Variants in COL18A1 observed in about 807,000 individuals in gnomAD.
The protein encoded by COL18A1 is collagen alpha-1(XVIII) chain.
A neutral mutation model predicts 168.0 loss-of-function variants in COL18A1; 133 were observed. That is an observed-to-expected ratio of 0.79 (90% CI 0.69 to 0.91). The LOEUF (loss-of-function observed/expected upper bound fraction) is 0.91, where lower values mean the gene tolerates loss of function less well. Among genes scored for constraint, COL18A1 ranks in the 40% least tolerant of loss-of-function variants. The pLI, the probability that COL18A1 is intolerant of heterozygous loss-of-function variation, is 0.00. For synonymous variants in COL18A1, 949 were observed against 809.0 expected (o/e 1.17, Z -2.94); for missense variants, 2,126 against 1,925.4 (o/e 1.10, Z -1.95).
Position 45,495,340 on chromosome 21 carries a change from C to T in COL18A1, c.2434-18C>T, listed in dbSNP as rs762688500. On this transcript the variant is annotated intron_variant, in intron 28 of 41. Coordinates refer to ENST00000651438, the MANE Select transcript of COL18A1 (RefSeq NM_001379500.1). ...TCATCAGTGCCCAGCAGTCCCCACC[C>T]CCTGTGCTCCGCCCCAGGGTCGCCC... is the stretch of plus-strand genomic sequence containing the variant. 58 of 1,597,484 alleles carry T rather than the reference C, an allele frequency of 3.6e-5. No homozygotes were observed. In the South Asian group the frequency reaches 6.2e-4, roughly 17 times the overall value.
chr21:45,439,907 A>T (rs1369655546), intron 2 of COL18A1, among the ~76,000 whole-genome samples: 1 of 152,204 alleles, frequency 6.6e-6, no homozygotes. Flanking sequence ...GGCCTGGGAG[A>T]TGGGAGTGTT....
At position 45,455,950 on chromosome 21, in the gene COL18A1, G is replaced by A. The variant is rs570643977; in HGVS notation, c.107-12292G>A. The A allele has an allele frequency of 1.9e-4, 314 of 1,612,952 alleles. No homozygotes were observed. Among genetic ancestry groups the A allele is most frequent in the Middle Eastern group, 3.3e-4 (2 of 6,084 alleles). On this transcript the variant is annotated intron_variant, in intron 2 of 41. Coordinates refer to ENST00000651438, the MANE Select transcript of COL18A1 (RefSeq NM_001379500.1). ...TCCCCACTGAGAGCTTGGCCAGGGC[G>A]GAAACCCTGGTCCTGGAGACTCCTG...
intron 2 of COL18A1, among the ~76,000 whole-genome samples, chr21:45,406,745 C>T (rs370650331): frequency 1.4e-4 from 22 of 152,340 alleles, no homozygotes; most frequent in African/African-American, 5.3e-4. Flanking sequence ...GACGCTGGGG[C>T]CCAAGCCCGA....
rs771218061 is a variant in COL18A1, at chr21:45,504,468, C to CT, written c.2780_2781insT (p.Gly928ArgfsTer159). The CT allele has an allele frequency of 9.3e-6, 15 of 1,609,458 alleles. No individual in the cohort carries two copies. The highest frequency in any genetic ancestry group is 1.3e-5 in the African/African-American group (1 of 74,662). ...GGACAGAAAGGCGAAAGGGGGGAGC[C>CT]CGGGGGCGGCGGTTTCTTCGGCTCC... On this transcript the variant is annotated frameshift_variant, in exon 34 of 42. Transcript: ENST00000651438. LOFTEE classifies it high-confidence loss of function.
In COL18A1 at chr21:45,496,581, G is replaced by A. The variant is rs767756708; in HGVS notation, c.2577+13G>A. ...TTACGACAGCAATGTAAGTCCCCAG[G>A]GCACCCACTGTCCTACAGCCACCCT... On this transcript the variant is annotated intron_variant, in intron 30 of 41. Transcript: ENST00000651438. 4 of 1,306,942 alleles carry A rather than the reference G, an allele frequency of 3.1e-6. No homozygotes were observed. Among genetic ancestry groups the A allele is most frequent in the Non-Finnish European group, 4.4e-6 (4 of 908,622 alleles). 81.0% of individuals were successfully genotyped at this position (1,306,942 alleles called of 1,614,324 possible).
chr21:45,471,096 G>T lies in COL18A1; in HGVS notation c.651+2310G>T, dbSNP rs71317794. Reference sequence around the variant, plus strand: ...GGGCCTGGGTGGCGCGCTACGGGCCGTGTGCTGCTGGGCCTGGGTGGCGCA... The same window carrying T: ...GGGCCTGGGTGGCGCGCTACGGGCCTTGTGCTGCTGGGCCTGGGTGGCGCA... On this transcript the variant is annotated intron_variant, in intron 3 of 41. Coordinates refer to ENST00000651438, the MANE Select transcript of COL18A1 (RefSeq NM_001379500.1). This position sits in a 1 kb window ranked among gnomAD's most constrained non-coding sequence, Gnocchi z 4.4. Among the ~76,000 whole-genome samples the T allele has an allele frequency of 8.9e-4, 115 of 129,928 alleles. No individual in the cohort carries two copies. Among genetic ancestry groups the T allele is most frequent in the Middle Eastern group, 8.5e-3 (2 of 236 alleles). 85.2% of individuals were successfully genotyped at this position (129,928 alleles called of 152,430 possible).
chr21:45,482,858 C>G, intron 15 of COL18A1, 37 bp downstream of exon 15: 3 of 1,614,090 alleles, frequency 1.9e-6, no homozygotes, highest in Non-Finnish European at 1.7e-6. Context: ...GTCCCCTGCC[C>G]CTGGTGCCCA....
chr21:45,512,558 C>CAAAG lies in COL18A1; in HGVS notation c.*162_*165dup. 1 of 693,190 alleles carries CAAAG rather than the reference C, an allele frequency of 1.4e-6. No individual in the cohort carries two copies. The highest frequency in any genetic ancestry group is 2.4e-6 in the Non-Finnish European group (1 of 412,834). The allele number at this position is 693,190 out of a possible 1,614,324, so 42.9% of individuals were successfully genotyped here. ...TAATCCTCAAGAAATAAAAGGAAGC[C>CAAAG]AAAGAGTGTATTTTTTTAAAAGTTT... is the stretch of plus-strand genomic sequence containing the variant. On this transcript the variant is annotated 3_prime_UTR_variant, in exon 42 of 42. Coordinates refer to ENST00000651438, the MANE Select transcript of COL18A1 (RefSeq NM_001379500.1).
At chr21:45,450,041 C>T (rs939137407) in intron 2 of COL18A1, among the ~76,000 whole-genome samples, 14 of 152,206 alleles carry the variant, frequency 9.2e-5, no homozygotes, top group Non-Finnish European at 1.9e-4. Flanking sequence ...GACGTGTCTG[C>T]GGCATCCAAA....
chr21:45,447,255 A>G (rs1029722305), intron 2 of COL18A1, among the ~76,000 whole-genome samples: 62 of 151,662 alleles, frequency 4.1e-4, no homozygotes, highest in South Asian at 8.3e-4. Context: ...TTAAAAGTAA[A>G]AGTTCTAACC....
At chr21:45,504,362 C>T (rs1333014064) in intron 33 of COL18A1, 54 bp from the exon 34 acceptor site, 2 of 1,577,986 alleles carry the variant, frequency 1.3e-6, no homozygotes, top group Admixed American at 3.5e-5. Context: ...TGGGAGGCCA[C>T]CTGTGGCTTG....
intron 2 of COL18A1, chr21:45,455,469 C>G: frequency 6.2e-7 from 1 of 1,601,668 alleles, no homozygotes; most frequent in Non-Finnish European, 8.5e-7. Flanking sequence ...GTGAGCCTGG[C>G]TAGCCCCACC....
In COL18A1 at chr21:45,493,071, T is replaced by G. The variant is rs923053012; in HGVS notation, c.2215-92T>G. The G allele has an allele frequency of 3.5e-5, 46 of 1,311,328 alleles. No homozygotes were observed. In the Middle Eastern group the frequency reaches 1.2e-3, roughly 35 times the overall value. 81.2% of individuals were successfully genotyped at this position (1,311,328 alleles called of 1,614,324 possible). A position where few individuals can be genotyped will look rare whatever the true frequency, so the allele number is the denominator to read the frequency against. ...GGTCGGGCTGTCGAGGCAGGCATAT[T>G]GCGGGGGGCAGCTGTCGGGGGAGAT... On this transcript the variant is annotated intron_variant, in intron 24 of 41. Coordinates refer to ENST00000651438, the MANE Select transcript of COL18A1 (RefSeq NM_001379500.1).
chr21:45,418,586 C>T (rs565760595), intron 2 of COL18A1, among the ~76,000 whole-genome samples: 55 of 152,260 alleles, frequency 3.6e-4, no homozygotes, highest in African/African-American at 1.3e-3. Context: ...CCGGCGGTTC[C>T]CACCTGCTCT....
At chr21:45,452,654 GTA>G (rs2034652358) in intron 2 of COL18A1, among the ~76,000 whole-genome samples, 1 of 151,980 alleles carries the variant, frequency 6.6e-6, no homozygotes, top group South Asian at 2.1e-4. Context: ...GTGAGCTTGT[GTA>G]TGCATGTATT....
intron 2 of COL18A1, among the ~76,000 whole-genome samples, chr21:45,433,569 C>T (rs1317878236): frequency 3.9e-5 from 6 of 152,190 alleles, no homozygotes; most frequent in African/African-American, 1.2e-4. Context: ...GCGTGGCTGT[C>T]GTGGCCCCTG....
chr21:45,457,923 G>C lies in COL18A1; in HGVS notation c.107-10319G>C, dbSNP rs1299833173. 1.3e-5 allele frequency among the ~76,000 whole-genome samples: 2 copies of C among 152,158 alleles called. No individual in the cohort carries two copies. The highest frequency in any genetic ancestry group is 4.8e-5 in the African/African-American group (2 of 41,428). On this transcript the variant is annotated intron_variant, in intron 2 of 41. Coordinates refer to ENST00000651438, the MANE Select transcript of COL18A1 (RefSeq NM_001379500.1). The surrounding 1 kb of genome is among the most constrained non-coding windows in gnomAD (Gnocchi z 4.6). Reference sequence around the variant, plus strand: ...CCCACCAGGCTCCGTGAGGGATGACGAGCTTGGTGATTCCCCTTGAGTTTC... The same window carrying C: ...CCCACCAGGCTCCGTGAGGGATGACCAGCTTGGTGATTCCCCTTGAGTTTC...
intron 36 of COL18A1, 148 bp from the exon 37 acceptor site, chr21:45,505,690 T>C (rs2037158935): frequency 1.4e-6 from 1 of 712,898 alleles, no homozygotes; most frequent in Non-Finnish European, 2.4e-6. Flanking sequence ...GGGGTCCCCA[T>C]GGTGCTCATG....
intron 38 of COL18A1, among the ~76,000 whole-genome samples, chr21:45,509,121 G>C (rs956772673): frequency 6.6e-6 from 1 of 152,090 alleles, no homozygotes; most frequent in Non-Finnish European, 1.5e-5. Flanking sequence ...TTCTGAGCAC[G>C]GCTGGGTCTG....
Sources: gnomAD v4.1 joint callset for allele counts (sites outside exome capture counted in the v4.1 genomes callset) on GRCh38, gnomAD v4.1.1 for gene constraint, Gnocchi (gnomAD v3.1) non-coding constraint, MANE v1.5 for transcripts, NCBI Gene and HGNC (gene_info 2026-07-23, HGNC 2026-07-21) for gene names.